The following SLC13A1 variants were observed in gnomAD, a reference collection of about 807,000 sequenced individuals.
SLC13A1 encodes solute carrier family 13 member 1, also known as Na(+)/sulfate cotransporter.
In SLC13A1, 65 loss-of-function variants were observed where a neutral mutation model predicts 70.0. That is an observed-to-expected ratio of 0.93 (90% CI 0.76 to 1.14). The LOEUF (loss-of-function observed/expected upper bound fraction) is 1.14. SLC13A1 is among the 50% of genes most tolerant of loss of function. SLC13A1 has a pLI of 0.00. For missense variants in SLC13A1, 726 were observed against 717.8 expected, an observed-to-expected ratio of 1.01 and a Z score of -0.13; for synonymous variants, 275 against 250.5, an observed-to-expected ratio of 1.10 and a Z score of -0.92.
At chr7:123,124,635 C>T (rs1357022618) in intron 11 of SLC13A1, among the ~76,000 whole-genome samples, 1 of 151,926 alleles carries the variant, frequency 6.6e-6, no homozygotes, top group East Asian at 1.9e-4. Context: ...TCAAAACATG[C>T]TGTGTTGTAA....
At position 123,116,840 on chromosome 7, in the gene SLC13A1, T is replaced by C. The variant is rs112174356; in HGVS notation, c.1650+631A>G. Among the ~76,000 whole-genome samples the C allele has an allele frequency of 6.0e-4, 92 of 152,280 alleles. 1 individual carries two copies. The highest frequency in any genetic ancestry group is 2.1e-3 in the African/African-American group (89 of 41,562). ...TCATTTGGGTTGGTTTGGAAATTGG[T>C]GATGAAGATTTGGAAACTACTAGAA... is the stretch of plus-strand genomic sequence containing the variant. On this transcript the variant is annotated intron_variant, in intron 14 of 14. Transcript: ENST00000194130.
Position 123,129,441 on chromosome 7 carries a change from G to A in SLC13A1, c.973C>T (p.Gln325Ter). Residue 325 changes from glutamine to a stop codon, truncating the protein, a stop_gained, in exon 9 of 15, where the codon CAA becomes TAA. Coordinates refer to ENST00000194130, the MANE Select transcript of SLC13A1 (RefSeq NM_022444.4). LOFTEE classifies it high-confidence loss of function. ...MFKCGKTKTV[Q>*]QKACAEVIKQ... The stretch of plus-strand genomic sequence containing the variant: ...ATCACCTCAGCACAAGCTTTTTGTT[G>A]GACTGTTTTGGTTTTGCCACATTTG... 4.4e-6 allele frequency: 7 copies of A among 1,606,894 alleles called. No individual in the cohort carries two copies. The highest frequency in any genetic ancestry group is 4.2e-6 in the Non-Finnish European group (5 of 1,177,076).
intron 1 of SLC13A1, among the ~76,000 whole-genome samples, chr7:123,188,939 C>T (rs1365130769): frequency 6.6e-6 from 1 of 150,960 alleles, no homozygotes; most frequent in Non-Finnish European, 1.5e-5. Context: ...AACGGTGAAA[C>T]CCCGTCTCTA....
chr7:123,183,713 TCACAA>T (rs1162259250), intron 1 of SLC13A1, among the ~76,000 whole-genome samples: 1 of 152,156 alleles, frequency 6.6e-6, no homozygotes, highest in Non-Finnish European at 1.5e-5. Context: ...ATTTTCAGGC[TCACAA>T]GGTGATCCTT....
At chr7:123,195,474 C>T (rs755750577) in intron 1 of SLC13A1, among the ~76,000 whole-genome samples, 1 of 151,880 alleles carries the variant, frequency 6.6e-6, no homozygotes, top group Non-Finnish European at 1.5e-5. Flanking sequence ...TTATCTCCTA[C>T]TCATTTTCAT....
At chr7:123,145,570 T>C (rs1021060113) in intron 7 of SLC13A1, among the ~76,000 whole-genome samples, 6 of 152,186 alleles carry the variant, frequency 3.9e-5, no homozygotes, top group African/African-American at 1.4e-4. Context: ...TATAAGTCAT[T>C]TTCAAAAAGA....
chr7:123,116,964 GT>G (rs1488588181), intron 14 of SLC13A1, among the ~76,000 whole-genome samples: 1 of 152,138 alleles, frequency 6.6e-6, no homozygotes, highest in Non-Finnish European at 1.5e-5. Flanking sequence ...CTTACTTATT[GT>G]TTGCTTGTGT....
intron 2 of SLC13A1, among the ~76,000 whole-genome samples, chr7:123,175,730 G>A (rs1795425141): frequency 6.6e-6 from 1 of 152,116 alleles, no homozygotes; most frequent in Non-Finnish European, 1.5e-5. Context: ...TTTTGTTGTA[G>A]TAATCTGAAT....
intron 6 of SLC13A1, among the ~76,000 whole-genome samples, chr7:123,158,121 G>A (rs1007720015): frequency 1.3e-5 from 2 of 151,906 alleles, no homozygotes; most frequent in Middle Eastern, 3.2e-3. Flanking sequence ...TACTGAACAT[G>A]CAAGAAAATA....
chr7:123,150,322 C>T (rs1794512343), intron 6 of SLC13A1, among the ~76,000 whole-genome samples: 1 of 152,226 alleles, frequency 6.6e-6, no homozygotes, highest in East Asian at 1.9e-4. Context: ...TGCATTTGCC[C>T]CATCTTCCTG....
rs2470983 is a variant in SLC13A1, at chr7:123,134,549, C to A, written c.813-20G>T. On this transcript the variant is annotated intron_variant, in intron 7 of 14. Transcript: ENST00000194130. ...TAGCGTCTGTGTGAAAACATGGAGA[C>A]GTGTTCAGGGATGGAGAGACAGGTG... The A allele has an allele frequency of 0.19, 301,169 of 1,607,464 alleles. 34,000 individuals are homozygous for A. Among genetic ancestry groups the A allele is most frequent in the African/African-American group, 0.54 (40,344 of 74,716 alleles).
At chr7:123,160,819 A>G (rs540026235) in intron 6 of SLC13A1, among the ~76,000 whole-genome samples, 2 of 152,124 alleles carry the variant, frequency 1.3e-5, no homozygotes, top group Non-Finnish European at 2.9e-5. Context: ...TTCAAAACAC[A>G]TTTCTAAGCA....
chr7:123,154,271 G>GT (rs1794646685), intron 6 of SLC13A1, among the ~76,000 whole-genome samples: 1 of 152,104 alleles, frequency 6.6e-6, no homozygotes, highest in Admixed American at 6.6e-5. Context: ...AACCTATTGT[G>GT]TTTTTATTCA....
chr7:123,144,586 A>G (rs1794284844), intron 7 of SLC13A1, among the ~76,000 whole-genome samples: 1 of 152,090 alleles, frequency 6.6e-6, no homozygotes, highest in Non-Finnish European at 1.5e-5. Context: ...TACATCCTCA[A>G]TTTTAGCTCC....
At position 123,180,935 on chromosome 7, in the gene SLC13A1, A is replaced by G. The variant is rs187595723; in HGVS notation, c.228+38T>C. 4 of 1,581,134 alleles carry G rather than the reference A, an allele frequency of 2.5e-6. No homozygotes were observed. The South Asian group carries it at 3.4e-5, about 14-fold the overall frequency. On this transcript the variant is annotated intron_variant, in intron 2 of 14. Coordinates refer to ENST00000194130, the MANE Select transcript of SLC13A1 (RefSeq NM_022444.4). Reference sequence around the variant, plus strand: ...TTCTCAATGGAAATCTCAATACAAAACAGGAAATCAACTTATGACATTGGC... The same window carrying G: ...TTCTCAATGGAAATCTCAATACAAAGCAGGAAATCAACTTATGACATTGGC...
At chr7:123,135,260 C>A (rs1793914483) in intron 7 of SLC13A1, among the ~76,000 whole-genome samples, 2 of 152,098 alleles carry the variant, frequency 1.3e-5, no homozygotes, top group Non-Finnish European at 2.9e-5. Flanking sequence ...AATAACTCAA[C>A]AACAACAACA....
At chr7:123,149,731 A>G (rs1794489869) in intron 6 of SLC13A1, 1 of 416,900 alleles carries the variant, frequency 2.4e-6, no homozygotes. Context: ...TGGCACAGTT[A>G]TCACAGTTTC....
At chr7:123,196,622 A>G (rs1563361239) in intron 1 of SLC13A1, among the ~76,000 whole-genome samples, 2 of 152,088 alleles carry the variant, frequency 1.3e-5, no homozygotes, top group South Asian at 4.1e-4. Flanking sequence ...CACCCAGCAA[A>G]TGACATCCTT....
At position 123,162,031 on chromosome 7, in the gene SLC13A1, T is replaced by C. The variant is rs573520614; in HGVS notation, c.660+6343A>G. Reference sequence around the variant, plus strand: ...ATTTGGAGACAAACATATTTCTTTTTTTTTTTTTTTTAGAAAATACCACTA... The same window carrying C: ...ATTTGGAGACAAACATATTTCTTTTCTTTTTTTTTTTAGAAAATACCACTA... On this transcript the variant is annotated intron_variant, in intron 6 of 14. Transcript: ENST00000194130. 8.5e-5 allele frequency among the ~76,000 whole-genome samples: 13 copies of C among 152,096 alleles called. No homozygotes were observed. In the East Asian group the frequency reaches 2.3e-3, roughly 27 times the overall value.
Sources: allele counts gnomAD v4.1 joint callset (sites outside exome capture counted in the v4.1 genomes callset), GRCh38; gene constraint gnomAD v4.1.1; transcripts MANE v1.5; gene names NCBI Gene and HGNC (gene_info 2026-07-23, HGNC 2026-07-21).